HMGA2: variants seen among roughly 807,000 people sequenced by gnomAD.
HMGA2 encodes high mobility group AT-hook 2.
HMGA2 carries 8 observed loss-of-function variants against 19.1 expected under a neutral mutation model. That is an observed-to-expected ratio of 0.42 (90% CI 0.25 to 0.76). The LOEUF is 0.76. Among genes scored for constraint, HMGA2 ranks in the 30% least tolerant of loss-of-function variants. The pLI is 0.28. For synonymous variants in HMGA2, 60 were observed against 48.8 expected (o/e 1.23, Z -0.96); for missense variants, 109 against 136.3 (o/e 0.80, Z 1.00).
chr12:65,838,073 G>C (rs1870809386), intron 2 of HMGA2, among the ~76,000 whole-genome samples: 1 of 152,116 alleles, frequency 6.6e-6, no homozygotes, highest in Non-Finnish European at 1.5e-5. Context: ...AAATTGTAAA[G>C]TAATATGTCA....
rs1870077304 is a variant in HMGA2, at chr12:65,825,082, G to C, written c.-189G>C. On this transcript the variant is annotated 5_prime_UTR_variant, in exon 1 of 5. Coordinates refer to ENST00000403681, the MANE Select transcript of HMGA2 (RefSeq NM_003483.6). The surrounding 1 kb of genome is among the most constrained non-coding windows in gnomAD (Gnocchi z 4.4). Reference sequence around the variant, plus strand: ...CTCCCCTCTTCTCTTTTTGGCAGCCGCTGGACGTCCGGTGTTGATGGTGGC... The same window carrying C: ...CTCCCCTCTTCTCTTTTTGGCAGCCCCTGGACGTCCGGTGTTGATGGTGGC... 1 of 507,080 alleles carries C rather than the reference G, an allele frequency of 2.0e-6. No individual in the cohort carries two copies. The highest frequency in any genetic ancestry group is 3.5e-6 in the Non-Finnish European group (1 of 289,010). 31.4% of individuals were successfully genotyped at this position (507,080 alleles called of 1,614,324 possible).
intron 3 of HMGA2, among the ~76,000 whole-genome samples, chr12:65,898,208 T>C (rs553284334): frequency 6.6e-6 from 1 of 152,178 alleles, no homozygotes. Context: ...CAATACATTT[T>C]AAAATATCCA....
In HMGA2 at chr12:65,844,050, CAA is replaced by C. The variant is rs3048828; in HGVS notation, c.249+5499_249+5500del. On this transcript the variant is annotated intron_variant, in intron 3 of 4. Coordinates refer to ENST00000403681, the MANE Select transcript of HMGA2 (RefSeq NM_003483.6). ...TGGGCAACAGAGCAAGACTCCATCT[CAA>C]AAAAAAAAAAAAAAAAAGAAATATA... 5.0e-3 allele frequency among the ~76,000 whole-genome samples: 398 copies of C among 79,724 alleles called. 2 individuals carry two copies. The highest frequency in any genetic ancestry group is 0.012 in the African/African-American group (322 of 26,776). 52.3% of individuals were successfully genotyped at this position (79,724 alleles called of 152,430 possible).
chr12:65,826,001 A>G (rs538468177), intron 1 of HMGA2: 1 of 151,736 alleles, frequency 6.6e-6, no homozygotes, highest in Non-Finnish European at 1.5e-5. Context: ...GGCTCTTTAA[A>G]TATGCGGCGG....
chr12:65,928,641 T>C (rs1875601060), intron 3 of HMGA2, among the ~76,000 whole-genome samples: 1 of 152,236 alleles, frequency 6.6e-6, no homozygotes, highest in Non-Finnish European at 1.5e-5. Context: ...TTTATATCTT[T>C]ATAAGCTTTT....
chr12:65,894,753 A>T (rs1874053712), intron 3 of HMGA2, among the ~76,000 whole-genome samples: 2 of 152,244 alleles, frequency 1.3e-5, no homozygotes, highest in South Asian at 4.1e-4. Context: ...ACTTTATGGA[A>T]GTACACCCCA....
chr12:65,890,604 C>T (rs1170323032), intron 3 of HMGA2, among the ~76,000 whole-genome samples: 1 of 152,102 alleles, frequency 6.6e-6, no homozygotes, highest in Non-Finnish European at 1.5e-5. Flanking sequence ...CAGCATTGTT[C>T]TCCCTCACAA....
chr12:65,915,454 G>A, intron 3 of HMGA2: 1 of 1,244,106 alleles, frequency 8.0e-7, no homozygotes, highest in South Asian at 1.7e-5. Flanking sequence ...CTCGTACAGG[G>A]ATCCACCTTT....
intron 3 of HMGA2, among the ~76,000 whole-genome samples, chr12:65,931,188 T>C (rs951313715): frequency 1.3e-5 from 2 of 152,196 alleles, no homozygotes; most frequent in South Asian, 4.1e-4. Flanking sequence ...TTTATGGTTA[T>C]TGGATTTTTT....
At chr12:65,948,387 C>T (rs1202269366) in intron 3 of HMGA2, 1 of 152,164 alleles carries the variant, frequency 6.6e-6, no homozygotes, top group East Asian at 1.9e-4. Context: ...TAAGAATCAA[C>T]ACTTAGTTCT....
At chr12:65,872,140 C>T (rs991005188) in intron 3 of HMGA2, among the ~76,000 whole-genome samples, 4 of 152,044 alleles carry the variant, frequency 2.6e-5, no homozygotes, top group African/African-American at 4.8e-5. Flanking sequence ...TTCATCCTTC[C>T]TAGGGTCCCC....
intron 4 of HMGA2, among the ~76,000 whole-genome samples, chr12:65,962,792 C>A (rs909372405): frequency 1.4e-4 from 21 of 152,084 alleles, no homozygotes; most frequent in African/African-American, 5.1e-4. Flanking sequence ...CTAAAAATAC[C>A]AGCTATTATT....
chr12:65,869,973 T>G (rs745386329), intron 3 of HMGA2, among the ~76,000 whole-genome samples: 23 of 152,096 alleles, frequency 1.5e-4, no homozygotes, highest in Non-Finnish European at 3.1e-4. Context: ...TTTTCAGCCC[T>G]TCTCACACTT....
At chr12:65,839,328 G>A (rs1010931774) in intron 3 of HMGA2, among the ~76,000 whole-genome samples, 4 of 151,988 alleles carry the variant, frequency 2.6e-5, no homozygotes, top group Non-Finnish European at 5.9e-5. Context: ...TCCCACTGAC[G>A]GAGAAAAGAA....
chr12:65,877,979 G>C (rs774253293), intron 3 of HMGA2, among the ~76,000 whole-genome samples: 7 of 152,132 alleles, frequency 4.6e-5, no homozygotes, highest in South Asian at 2.1e-4. Flanking sequence ...AATATTCTCT[G>C]TCATCATGCT....
At position 65,838,532 on chromosome 12, in the gene HMGA2, C is replaced by T. The variant is rs1483054103; in HGVS notation, c.212C>T (p.Thr71Ile). Reference sequence around the variant, plus strand: ...TTTCATTTGCAGAAAGCAGAAGCCACTGGAGAAAAACGGCCAAGAGGCAGA... The same window carrying T: ...TTTCATTTGCAGAAAGCAGAAGCCATTGGAGAAAAACGGCCAAGAGGCAGA... ...SKAAQKKAEA[T>I]GEKRPRGRPR... Residue 71 changes from threonine (T) to isoleucine (I), a missense_variant, in exon 3 of 5, where the codon ACT (threonine) becomes ATT (isoleucine). Physicochemically the swap from Thr to Ile is moderately conservative, Grantham distance 89. Transcript: ENST00000403681. 6.8e-6 allele frequency: 11 copies of T among 1,611,880 alleles called. No homozygotes were observed. The highest frequency in any genetic ancestry group is 8.5e-6 in the Non-Finnish European group (10 of 1,178,554).
chr12:65,863,711 C>A (rs939615785), intron 3 of HMGA2, among the ~76,000 whole-genome samples: 4 of 152,190 alleles, frequency 2.6e-5, no homozygotes, highest in Non-Finnish European at 5.9e-5. Flanking sequence ...ATACCAAATC[C>A]TGTGCCCAGC....
At chr12:65,940,719 C>T (rs1419271256) in intron 3 of HMGA2, among the ~76,000 whole-genome samples, 1 of 152,080 alleles carries the variant, frequency 6.6e-6, no homozygotes, top group Non-Finnish European at 1.5e-5. Context: ...AGCTATACAA[C>T]CTGGGTGGGT....
At position 65,963,556 on chromosome 12, in the gene HMGA2, A is replaced by C; in HGVS notation, c.*264A>C. On this transcript the variant is annotated 3_prime_UTR_variant, in exon 5 of 5. Coordinates refer to ENST00000403681, the MANE Select transcript of HMGA2 (RefSeq NM_003483.6). Reference sequence around the variant, plus strand: ...TAAACACAGGGGACACAGCTTAACAATGCAACTTTTAATTACTGTTTTCTT... The same window carrying C: ...TAAACACAGGGGACACAGCTTAACACTGCAACTTTTAATTACTGTTTTCTT... The C allele has an allele frequency of 4.0e-6, 2 of 502,348 alleles. No individual in the cohort carries two copies. Among genetic ancestry groups the C allele is most frequent in the Admixed American group, 3.7e-5 (1 of 27,000 alleles). The allele number at this position is 502,348 out of a possible 1,614,324, so 31.1% of individuals were successfully genotyped here. A position where few individuals can be genotyped will look rare whatever the true frequency, so the allele number is the denominator to read the frequency against.
Sources: gnomAD v4.1 joint callset for allele counts (sites outside exome capture counted in the v4.1 genomes callset) on GRCh38, gnomAD v4.1.1 for gene constraint, Gnocchi (gnomAD v3.1) non-coding constraint, MANE v1.5 for transcripts, NCBI Gene and HGNC (gene_info 2026-07-23, HGNC 2026-07-21) for gene names.